Variants in DMD observed in about 807,000 individuals in gnomAD.
The protein encoded by DMD is mutant dystrophin.
A neutral mutation model predicts 330.1 loss-of-function variants in DMD; 63 were observed. The observed-to-expected ratio is 0.19, with a 90% CI of 0.16 to 0.24. The LOEUF (loss-of-function observed/expected upper bound fraction) is 0.24, where lower values mean the gene tolerates loss of function less well. Among genes scored for constraint, DMD ranks in the 10% least tolerant of loss-of-function variants. The pLI, the probability that DMD is intolerant of heterozygous loss-of-function variation, is 1.00. For synonymous variants in DMD, 1,223 were observed against 959.8 expected (o/e 1.27, Z -5.07); for missense variants, 3,344 against 2,684.1 (o/e 1.25, Z -5.43).
intron 18 of DMD, among the ~76,000 whole-genome samples, chrX:32,505,334 AAACT>A (rs1177551601): frequency 4.4e-5 from 5 of 112,474 alleles, no homozygotes; most frequent in Admixed American, 9.5e-5. Flanking sequence ...AAAAACAAAC[AAACT>A]AAAACATGGG....
intron 55 of DMD, among the ~76,000 whole-genome samples, chrX:31,556,213 C>A (rs1383277148): frequency 6.5e-5 from 7 of 107,948 alleles, no homozygotes; most frequent in Non-Finnish European, 1.1e-4. Context: ...TAAAAATGCA[C>A]AAAATTAGCC....
chrX:32,558,374 T>G (rs1234050970), intron 16 of DMD, among the ~76,000 whole-genome samples: 1 of 112,133 alleles, frequency 8.9e-6, no homozygotes, highest in East Asian at 2.8e-4. Flanking sequence ...GGATGGATAT[T>G]ATCAAGTATA....
chrX:31,536,558 C>T (rs138558205), intron 55 of DMD, among the ~76,000 whole-genome samples: 9,404 of 111,297 alleles, frequency 0.084, 307 homozygotes, highest in East Asian at 0.13. Context: ...GCAGCTATTT[C>T]AAATTGCCAC....
At chrX:32,967,993 T>C (rs1210477953) in intron 2 of DMD, among the ~76,000 whole-genome samples, 4 of 112,123 alleles carry the variant, frequency 3.6e-5, no homozygotes, top group African/African-American at 1.3e-4. Context: ...ATTATACTTA[T>C]CTATCTTCCA....
intron 1 of DMD, among the ~76,000 whole-genome samples, chrX:33,304,197 G>GGTACTGGTAC (rs2053715662): frequency 1.8e-5 from 2 of 111,293 alleles, no homozygotes; most frequent in African/African-American, 6.5e-5. Context: ...AAAACAGCAT[G>GGTACTGGTAC]GTACTGGTAC....
At chrX:33,172,433 T>C (rs906074218) in intron 1 of DMD, among the ~76,000 whole-genome samples, 2 of 111,152 alleles carry the variant, frequency 1.8e-5, no homozygotes, top group African/African-American at 6.5e-5. Context: ...AGGTGTAGAG[T>C]TGGAATGAAG....
intron 1 of DMD, among the ~76,000 whole-genome samples, chrX:33,126,054 A>AG: frequency 9.1e-6 from 1 of 109,958 alleles, no homozygotes; most frequent in East Asian, 2.9e-4. Context: ...AAAAAAAAAA[A>AG]ATTGAGGTTT....
intron 43 of DMD, among the ~76,000 whole-genome samples, chrX:32,248,511 A>G (rs962312353): frequency 1.8e-5 from 2 of 110,481 alleles, no homozygotes; most frequent in Admixed American, 2.0e-4. Flanking sequence ...ATTAAAATAT[A>G]TGTTGTTACA....
intron 2 of DMD, among the ~76,000 whole-genome samples, chrX:32,904,552 C>T (rs2086572367): frequency 8.9e-6 from 1 of 111,860 alleles, no homozygotes; most frequent in African/African-American, 3.3e-5. Flanking sequence ...CAGTAGTTGA[C>T]ATTAAAAATG....
intron 64 of DMD, among the ~76,000 whole-genome samples, chrX:31,219,347 T>C (rs75841360): frequency 3.1e-4 from 35 of 111,186 alleles, no homozygotes; most frequent in African/African-American, 1.0e-3. Context: ...CCCCTGCAGA[T>C]TGGAGCTACC....
rs372289508 is a variant in DMD at position 31,352,348 on chromosome X, G to A, written c.9085-3714C>T. Among the ~76,000 whole-genome samples the A allele has an allele frequency of 2.7e-5, 3 of 111,585 alleles. No individual in the cohort carries two copies. The South Asian group carries it at 1.1e-3, about 42-fold the overall frequency. The stretch of plus-strand genomic sequence containing the variant: ...ATAAATGTGAGTGTTTGGGGGTAGA[G>A]AGGAGAAGATGAAGATGCCATATGG... On this transcript the variant is annotated intron_variant, in intron 60 of 78. Transcript: ENST00000357033.
chrX:33,111,768 G>A (rs1277380100), intron 1 of DMD, among the ~76,000 whole-genome samples: 1 of 110,432 alleles, frequency 9.1e-6, no homozygotes, highest in Non-Finnish European at 1.9e-5. Context: ...CACCACGCCC[G>A]GCTGATTTTT....
intron 52 of DMD, among the ~76,000 whole-genome samples, chrX:31,683,635 G>A (rs758840608): frequency 2.7e-5 from 3 of 111,957 alleles, no homozygotes; most frequent in Admixed American, 9.4e-5. Flanking sequence ...ACCGGGCTGG[G>A]AATGGACTCC....
At chrX:31,465,001 C>T (rs1226962399) in intron 59 of DMD, among the ~76,000 whole-genome samples, 3 of 111,972 alleles carry the variant, frequency 2.7e-5, no homozygotes, top group African/African-American at 9.8e-5. Flanking sequence ...GAGGTAGGGG[C>T]TTTTAAAACA....
chrX:33,318,925 A>C (rs896100017), intron 1 of DMD, among the ~76,000 whole-genome samples: 1 of 111,439 alleles, frequency 9.0e-6, no homozygotes, highest in Non-Finnish European at 1.9e-5. Flanking sequence ...GTGTTCCTCC[A>C]AAATTTAAAT....
At chrX:33,141,543 G>A (rs1053012373) in intron 1 of DMD, among the ~76,000 whole-genome samples, 2 of 111,459 alleles carry the variant, frequency 1.8e-5, no homozygotes, top group Non-Finnish European at 3.8e-5. Flanking sequence ...GGAAATTGGC[G>A]ACATAATATG....
intron 45 of DMD, among the ~76,000 whole-genome samples, chrX:31,955,812 G>T (rs949037014): frequency 5.4e-5 from 6 of 112,004 alleles, no homozygotes; most frequent in African/African-American, 1.9e-4. Context: ...ATGGCTTTGA[G>T]ACATAGAAGA....
Position 32,468,750 on chromosome X carries a change from GAAT to G in DMD, c.2950-43_2950-41del, listed in dbSNP as rs750104673. ...TTTAAATACATTTACCCTAATTGAT[GAAT>G]AATAATTGATGAGTTTTAGTGAAAT... On this transcript the variant is annotated intron_variant, in intron 22 of 78. Coordinates refer to ENST00000357033, the MANE Select transcript of DMD (RefSeq NM_004006.3). The G allele has an allele frequency of 1.6e-5, 17 of 1,060,615 alleles. No individual in the cohort carries two copies. The Admixed American group carries it at 3.9e-4, about 24-fold the overall frequency. The allele number at this position is 1,060,615 out of a possible 1,213,427, so 87.4% of individuals were successfully genotyped here. A position where few individuals can be genotyped will look rare whatever the true frequency, so the allele number is the denominator to read the frequency against.
At chrX:31,175,577 C>G (rs1268313376) in intron 71 of DMD, among the ~76,000 whole-genome samples, 1 of 110,462 alleles carries the variant, frequency 9.1e-6, no homozygotes, top group Non-Finnish European at 1.9e-5. Flanking sequence ...CATTTAAAAA[C>G]CAAGAATTAG....
Sources: allele counts gnomAD v4.1 joint callset (sites outside exome capture counted in the v4.1 genomes callset), GRCh38; gene constraint gnomAD v4.1.1; transcripts MANE v1.5; gene names NCBI Gene and HGNC (gene_info 2026-07-23, HGNC 2026-07-21).